The following RELN variants were observed in gnomAD, a reference collection of about 807,000 sequenced individuals.
RELN encodes the protein reelin.
Under a neutral mutation model 427.6 loss-of-function variants are expected in RELN, and 108 were observed. The ratio of observed to expected loss-of-function variants is 0.25; its 90% CI spans 0.22 to 0.30. The LOEUF is 0.30. Ranked by LOEUF, RELN falls within the 10% of genes least tolerant of loss-of-function variation. The probability of loss-of-function intolerance (pLI) is 1.00; values close to 1 mark genes in which losing one functional copy is unlikely to be tolerated. For missense variants in RELN, 3,715 were observed against 4,302.8 expected (o/e 0.86, Z 3.82); for synonymous variants, 1,524 against 1,513.4 (o/e 1.01, Z -0.16).
chr7:103,833,731 G>T, intron 2 of RELN, 59 bp from the exon 3 acceptor site: 1 of 1,484,016 alleles, frequency 6.7e-7, no homozygotes, highest in Admixed American at 1.8e-5. Context: ...TTCCTATCAT[G>T]GCATCACAGT....
In RELN at chr7:103,559,218, C is replaced by T. The variant is rs139691046; in HGVS notation, c.5530-1169G>A. Among the ~76,000 whole-genome samples, 93 of 152,284 alleles carry T rather than the reference C, an allele frequency of 6.1e-4. 2 individuals carry two copies. In the East Asian group the frequency reaches 0.017, roughly 28 times the overall value. The stretch of plus-strand genomic sequence containing the variant: ...TGGTAGGATTTGAACCCAGATATGT[C>T]GGATTCTAAAACGTCTATCCTTTAT... On this transcript the variant is annotated intron_variant, in intron 36 of 64. Coordinates refer to ENST00000428762, the MANE Select transcript of RELN (RefSeq NM_005045.4).
chr7:103,672,780 G>A, intron 11 of RELN, among the ~76,000 whole-genome samples: 1 of 151,750 alleles, frequency 6.6e-6, no homozygotes, highest in East Asian at 1.9e-4. Flanking sequence ...CACCACTTTG[G>A]CCATATCATA....
rs570718973 is a variant in RELN at position 103,974,713 on chromosome 7, T to A, written c.226+14418A>T. Among the ~76,000 whole-genome samples the A allele has an allele frequency of 1.1e-4, 16 of 152,294 alleles. No homozygotes were observed. The East Asian group carries it at 2.7e-3, about 26-fold the overall frequency. Reference sequence around the variant, plus strand: ...AAAATCTTTGGGGAAATTTGTCGAGTTTCCATTTTTGTGTGTTTTCTATAA... The same window carrying A: ...AAAATCTTTGGGGAAATTTGTCGAGATTCCATTTTTGTGTGTTTTCTATAA... On this transcript the variant is annotated intron_variant, in intron 1 of 64. Coordinates refer to ENST00000428762, the MANE Select transcript of RELN (RefSeq NM_005045.4).
At chr7:103,504,981 G>C (rs1279467239) in intron 51 of RELN, among the ~76,000 whole-genome samples, 2 of 152,302 alleles carry the variant, frequency 1.3e-5, no homozygotes, top group East Asian at 3.9e-4. Flanking sequence ...AATGGGTGGA[G>C]CCCGCCTCAG....
At chr7:103,487,710 GC>G (rs745992717) in intron 60 of RELN, among the ~76,000 whole-genome samples, 1 of 152,174 alleles carries the variant, frequency 6.6e-6, no homozygotes, top group Non-Finnish European at 1.5e-5. Flanking sequence ...GGTATGAGAG[GC>G]CTATCTAATT....
Position 103,681,887 on chromosome 7 carries a change from C to G in RELN, c.1289+229G>C, listed in dbSNP as rs113291194. ...AAACTAAAATGAGATATAAGTGAGTCAAGTGAACTTAAAAGCATTTGCAAT... is the reference window on the plus strand; with the variant it reads ...AAACTAAAATGAGATATAAGTGAGTGAAGTGAACTTAAAAGCATTTGCAAT... On this transcript the variant is annotated intron_variant, in intron 11 of 64. Coordinates refer to ENST00000428762, the MANE Select transcript of RELN (RefSeq NM_005045.4). 2.0e-5 allele frequency among the ~76,000 whole-genome samples: 3 copies of G among 152,246 alleles called. 1 individual carries two copies. The highest frequency in any genetic ancestry group is 7.2e-5 in the African/African-American group (3 of 41,554).
Position 103,490,742 on chromosome 7 carries a change from G to A in RELN, c.9531C>T (p.Ala3177=), listed in dbSNP as rs750621529. 44 of 1,614,198 alleles carry A rather than the reference G, an allele frequency of 2.7e-5. No homozygotes were observed. The South Asian group carries it at 3.6e-4, about 13-fold the overall frequency. ...AGCTGTTGACAGAGTTGTAGATGGT[G>A]GCTTCATGGAACTGGAAAGGGGAGC... ...IGCSPFQFHE[A]TIYNSVNSSS... Residue 3177 remains alanine (A), a synonymous_variant, in exon 59 of 65, where the codon GCC becomes GCT. Transcript: ENST00000428762.
intron 11 of RELN, among the ~76,000 whole-genome samples, chr7:103,670,269 A>G (rs979413923): frequency 3.3e-5 from 5 of 152,138 alleles, no homozygotes; most frequent in Admixed American, 1.3e-4. Context: ...ATATACCTAC[A>G]TAAGTATGTA....
chr7:103,738,672 C>CTTTTTTTTTTTTT (rs57390524), intron 6 of RELN, among the ~76,000 whole-genome samples: 2 of 70,466 alleles, frequency 2.8e-5, no homozygotes, highest in African/African-American at 6.5e-5. Context: ...TCCTTCCTTC[C>CTTTTTTTTTTTTT]TTTTTTTTTT....
At chr7:103,976,765 CA>C (rs1041570104) in intron 1 of RELN, among the ~76,000 whole-genome samples, 84 of 152,294 alleles carry the variant, frequency 5.5e-4, no homozygotes, top group African/African-American at 1.7e-3. Context: ...TTAGAATGGT[CA>C]ACCTCCTGGC....
rs1007610806 is a variant in RELN, at chr7:103,520,966, T to A, written c.7668+1056A>T. ...TGGCAGTAAATTTGTTATTTTTTTT[T>A]TTTTTTTTTTTTTTTTTTTTTGAGA... On this transcript the variant is annotated intron_variant, in intron 48 of 64. Transcript: ENST00000428762. 1.6e-4 allele frequency among the ~76,000 whole-genome samples: 18 copies of A among 113,156 alleles called. No homozygotes were observed. The East Asian group carries it at 3.5e-3, about 22-fold the overall frequency. 74.2% of individuals were successfully genotyped at this position (113,156 alleles called of 152,430 possible).
At chr7:103,950,777 T>G (rs922642208) in intron 1 of RELN, among the ~76,000 whole-genome samples, 3 of 152,236 alleles carry the variant, frequency 2.0e-5, no homozygotes, top group African/African-American at 7.2e-5. Flanking sequence ...CTTTCCAATG[T>G]TGGATAACAC....
At chr7:103,672,870 T>C (rs2115634920) in intron 11 of RELN, among the ~76,000 whole-genome samples, 1 of 152,316 alleles carries the variant, frequency 6.6e-6, no homozygotes, top group East Asian at 1.9e-4. Context: ...CAAAGTGCTC[T>C]ACATGTACTG....
In RELN at chr7:103,605,107, G is replaced by A. The variant is rs144730595; in HGVS notation, c.3009-624C>T. On this transcript the variant is annotated intron_variant, in intron 22 of 64. Coordinates refer to ENST00000428762, the MANE Select transcript of RELN (RefSeq NM_005045.4). ...GGCCTCCCAAAGTGTTGGGATTACA[G>A]GCGTAAGCCACCGCGCCCTGCCAAC... 1.7e-3 allele frequency among the ~76,000 whole-genome samples: 253 copies of A among 152,272 alleles called. No homozygotes were observed. In the Middle Eastern group the frequency reaches 0.024, roughly 14 times the overall value.
chr7:103,827,287 C>T (rs1793166542), intron 3 of RELN, among the ~76,000 whole-genome samples: 1 of 151,846 alleles, frequency 6.6e-6, no homozygotes, highest in African/African-American at 2.4e-5. Flanking sequence ...GAAGAGTCCC[C>T]TAATATAACC....
At chr7:103,680,386 T>C (rs886345492) in intron 11 of RELN, among the ~76,000 whole-genome samples, 1 of 152,070 alleles carries the variant, frequency 6.6e-6, no homozygotes, top group Non-Finnish European at 1.5e-5. Flanking sequence ...TAATCCCTGA[T>C]ATATGGATGG....
At chr7:103,532,132 T>G (rs1053483877) in intron 46 of RELN, among the ~76,000 whole-genome samples, 1 of 152,190 alleles carries the variant, frequency 6.6e-6, no homozygotes, top group Non-Finnish European at 1.5e-5. Context: ...GAGAATCATG[T>G]CCTTTGCAGG....
chr7:103,870,879 T>C (rs1420918666), intron 2 of RELN, among the ~76,000 whole-genome samples: 2 of 152,126 alleles, frequency 1.3e-5, no homozygotes, highest in East Asian at 1.9e-4. Flanking sequence ...GGCTCCCTCC[T>C]GGTGCCTAGC....
chr7:103,685,371 G>T (rs1562956269), intron 10 of RELN, among the ~76,000 whole-genome samples: 3 of 151,846 alleles, frequency 2.0e-5, no homozygotes, highest in Admixed American at 6.6e-5. Flanking sequence ...CTCTTGATAT[G>T]AAAAAAACAA....
Sources: gnomAD v4.1 joint callset for allele counts (sites outside exome capture counted in the v4.1 genomes callset) on GRCh38, gnomAD v4.1.1 for gene constraint, MANE v1.5 for transcripts, NCBI Gene and HGNC (gene_info 2026-07-23, HGNC 2026-07-21) for gene names.